Variants in RYR2 observed in about 807,000 individuals in gnomAD.
RYR2 encodes the protein cardiac muscle ryanodine receptor-calcium release channel.
In RYR2, 227 loss-of-function variants were observed where a neutral mutation model predicts 601.1. That is an observed-to-expected ratio of 0.38 (90% CI 0.34 to 0.42). The LOEUF (loss-of-function observed/expected upper bound fraction) is 0.42. Ranked by LOEUF, RYR2 falls within the 10% of genes least tolerant of loss-of-function variation. The probability of loss-of-function intolerance (pLI) is 1.00; values close to 1 mark genes in which losing one functional copy is unlikely to be tolerated. For missense variants in RYR2, 4,646 were observed against 6,156.5 expected, an observed-to-expected ratio of 0.75 and a Z score of 8.21; for synonymous variants, 2,223 against 2,175.1, an observed-to-expected ratio of 1.02 and a Z score of -0.61.
At position 237,709,517 on chromosome 1, in the gene RYR2, G is replaced by A. The variant is rs1688654919; in HGVS notation, c.10180G>A (p.Glu3394Lys). Residue 3394 changes from glutamate to lysine, a missense_variant, in exon 70 of 105, where the codon GAG (glutamate) becomes AAG (lysine). By Grantham distance (56) the Glu-to-Lys change is moderately conservative. Transcript: ENST00000366574. ...AAAGGAGCCTAACCCAGAAGCAGAG[G>A]AGCTCTTCCGCATGGTGGCTGAAGT... is the stretch of plus-strand genomic sequence containing the variant. ...WLKEPNPEAE[E>K]LFRMVAEVFI... is the part of the protein sequence containing the mutation. The A allele has an allele frequency of 1.2e-6, 2 of 1,612,124 alleles. No individual in the cohort carries two copies. Among genetic ancestry groups the A allele is most frequent in the Admixed American group, 1.7e-5 (1 of 59,876 alleles).
In RYR2 at chr1:237,634,931, C is replaced by T. The variant is rs1680721450; in HGVS notation, c.6731C>T (p.Ala2244Val). The T allele has an allele frequency of 1.2e-6, 2 of 1,609,272 alleles. No individual in the cohort carries two copies. The highest frequency in any genetic ancestry group is 2.7e-5 in the African/African-American group (2 of 74,886). ...GGTTCAACACCACTGGATGTGGCTG[C>T]AGCTTCGGTGATGGATAATAATGAA... ...MRGSTPLDVA[A>V]ASVMDNNELA... is the part of the protein sequence containing the mutation. Residue 2244 changes from alanine (A) to valine (V), a missense_variant, in exon 44 of 105, where the codon GCA becomes GTA. Ala to Val is a moderately conservative substitution (Grantham distance 64). This residue lies in a region of RYR2 where 137 missense variants were observed against 273.6 expected (regional missense o/e 0.50). Transcript: ENST00000366574.
chr1:237,348,605 A>G (rs1334535221), intron 3 of RYR2, among the ~76,000 whole-genome samples: 2 of 152,210 alleles, frequency 1.3e-5, no homozygotes, highest in Non-Finnish European at 2.9e-5. Context: ...CCCATCATCT[A>G]GCTGCCAGCC....
intron 1 of RYR2, among the ~76,000 whole-genome samples, chr1:237,107,534 A>AAAAAAAAAAAAAC (rs1668870097): frequency 6.7e-6 from 1 of 150,076 alleles, no homozygotes; most frequent in Admixed American, 6.6e-5. Context: ...AAAAAAAAAA[A>AAAAAAAAAAAAAC]AAGGAAACAT....
intron 1 of RYR2, among the ~76,000 whole-genome samples, chr1:237,067,728 T>C (rs1663826912): frequency 6.6e-6 from 1 of 152,240 alleles, no homozygotes; most frequent in South Asian, 2.1e-4. Context: ...ATCTTTATTA[T>C]TTTGTCTTCC....
intron 1 of RYR2, among the ~76,000 whole-genome samples, chr1:237,188,857 A>AT (rs1328395125): frequency 4.6e-5 from 7 of 152,152 alleles, no homozygotes; most frequent in Non-Finnish European, 8.8e-5. Context: ...ATTTTACAGC[A>AT]TTTTTATTTT....
intron 3 of RYR2, among the ~76,000 whole-genome samples, chr1:237,350,176 A>C (rs1384152752): frequency 6.6e-6 from 1 of 152,204 alleles, no homozygotes; most frequent in Non-Finnish European, 1.5e-5. Context: ...TGCTCACCAG[A>C]GATATACTTT....
intron 1 of RYR2, among the ~76,000 whole-genome samples, chr1:237,252,636 C>G (rs560719516): frequency 6.6e-6 from 1 of 152,248 alleles, no homozygotes; most frequent in Non-Finnish European, 1.5e-5. Context: ...GAGGAAGTAA[C>G]AAGTATTCGT....
At chr1:237,796,876 CT>C (rs1418388375) in intron 96 of RYR2, among the ~76,000 whole-genome samples, 1 of 152,040 alleles carries the variant, frequency 6.6e-6, no homozygotes, top group African/African-American at 2.4e-5. Context: ...TCTCCACCTC[CT>C]GGGTTCAAGT....
intron 3 of RYR2, among the ~76,000 whole-genome samples, chr1:237,355,104 G>A (rs1039660124): frequency 6.6e-6 from 1 of 151,920 alleles, no homozygotes; most frequent in African/African-American, 2.4e-5. Flanking sequence ...TAATTAATGA[G>A]TTTTCTAAGG....
intron 1 of RYR2, among the ~76,000 whole-genome samples, chr1:237,227,298 C>T (rs1684475814): frequency 6.6e-6 from 1 of 152,078 alleles, no homozygotes; most frequent in South Asian, 2.1e-4. Context: ...AATTAGCTTG[C>T]CTTAATTTCA....
At chr1:237,301,625 TG>T (rs1219163308) in intron 2 of RYR2, among the ~76,000 whole-genome samples, 1 of 150,624 alleles carries the variant, frequency 6.6e-6, no homozygotes, top group Non-Finnish European at 1.5e-5. Context: ...TTCTTAGTAA[TG>T]AAGTTAATAA....
intron 1 of RYR2, among the ~76,000 whole-genome samples, chr1:237,053,893 A>T (rs988613667): frequency 3.3e-5 from 5 of 152,154 alleles, no homozygotes; most frequent in Non-Finnish European, 5.9e-5. Context: ...ACTGAAAAGG[A>T]TCTTCAGGGA....
At chr1:237,297,824 C>T (rs537868881) in intron 2 of RYR2, among the ~76,000 whole-genome samples, 1 of 151,918 alleles carries the variant, frequency 6.6e-6, no homozygotes, top group African/African-American at 2.4e-5. Context: ...AATTATAGCT[C>T]ACTGCAGCCT....
chr1:237,335,784 T>A (rs1332908411), intron 3 of RYR2, among the ~76,000 whole-genome samples: 1 of 152,196 alleles, frequency 6.6e-6, no homozygotes, highest in Non-Finnish European at 1.5e-5. Flanking sequence ...TTCAGGTGAT[T>A]ATGATTTGGA....
rs1559136122 is a variant in RYR2, at chr1:237,627,792, A to G, written c.6167-15A>G. 8.2e-6 allele frequency: 13 copies of G among 1,577,118 alleles called. No individual in the cohort carries two copies. Among genetic ancestry groups the G allele is most frequent in the African/African-American group, 1.4e-5 (1 of 74,056 alleles). On this transcript the variant is annotated splice_polypyrimidine_tract_variant and intron_variant, in intron 40 of 104. Transcript: ENST00000366574. ...CTTATTTTTCTTTTAAAAAATATCC[A>G]TAATGACTTTGCAGCCACTCTGCAG...
At chr1:237,090,316 G>A (rs1666824233) in intron 1 of RYR2, among the ~76,000 whole-genome samples, 1 of 152,104 alleles carries the variant, frequency 6.6e-6, no homozygotes, top group Non-Finnish European at 1.5e-5. Context: ...ATGGCAAAAG[G>A]GACTTTGCAG....
chr1:237,135,198 A>G (rs987252789), intron 1 of RYR2, among the ~76,000 whole-genome samples: 2 of 152,158 alleles, frequency 1.3e-5, no homozygotes, highest in African/African-American at 4.8e-5. Flanking sequence ...AGTAACAGCA[A>G]CCAAGGAAGG....
chr1:237,539,491 T>C (rs2779371), intron 25 of RYR2, among the ~76,000 whole-genome samples: 51,630 of 152,130 alleles, frequency 0.34, 9,431 homozygotes, highest in East Asian at 0.48. Flanking sequence ...AATATATCAA[T>C]TGGAATTAAA....
In RYR2 at chr1:237,655,866, G is replaced by A; in HGVS notation, c.8011G>A (p.Ala2671Thr). The change falls in exon 53 of 105, where the codon GCA (alanine) becomes ACA (threonine). Residue 2671 changes from alanine (A) to threonine (T), a missense_variant. By Grantham distance (58) the Ala-to-Thr change is moderately conservative. Coordinates refer to ENST00000366574, the MANE Select transcript of RYR2 (RefSeq NM_001035.3). ...LFKLALPCLS[A>T]VAGALPPDYM... ...CAAACTGGCACTGCCTTGCCTGAGT[G>A]CAGTTGCGGGAGCTTTGCCTCCAGA... 1.2e-6 allele frequency: 2 copies of A among 1,608,768 alleles called. No homozygotes were observed. The highest frequency in any genetic ancestry group is 1.7e-6 in the Non-Finnish European group (2 of 1,177,318).
Sources: allele counts gnomAD v4.1 joint callset (sites outside exome capture counted in the v4.1 genomes callset), GRCh38; gene constraint gnomAD v4.1.1; regional missense constraint gnomAD v4.1.1; transcripts MANE v1.5; gene names NCBI Gene and HGNC (gene_info 2026-07-23, HGNC 2026-07-21).